Variants in GLIS3 observed in about 807,000 individuals in gnomAD.
The protein encoded by GLIS3 is zinc finger protein GLIS3.
Under a neutral mutation model 78.6 loss-of-function variants are expected in GLIS3, and 53 were observed. The observed-to-expected ratio is 0.67, with a 90% CI of 0.54 to 0.85. The LOEUF is 0.85. Among genes scored for constraint, GLIS3 ranks in the 40% least tolerant of loss-of-function variants. The probability of loss-of-function intolerance (pLI) is 0.00; values close to 1 mark genes in which losing one functional copy is unlikely to be tolerated. For missense variants in GLIS3, 1,703 were observed against 1,231.1 expected, an observed-to-expected ratio of 1.38 and a Z score of -5.74; for synonymous variants, 684 against 509.9, an observed-to-expected ratio of 1.34 and a Z score of -4.60.
rs1554648257 is a variant in GLIS3 at position 3,926,236 on chromosome 9, T to TTG, written c.1983+6123_1983+6124insCA. Among the ~76,000 whole-genome samples, 10 of 149,030 alleles carry TTG rather than the reference T, an allele frequency of 6.7e-5. 1 individual carries two copies. Among genetic ancestry groups the TTG allele is most frequent in the African/African-American group, 2.5e-4 (10 of 40,752 alleles). On this transcript the variant is annotated intron_variant, in intron 6 of 10. Coordinates refer to ENST00000381971, the MANE Select transcript of GLIS3 (RefSeq NM_001042413.2). ...CTAAAGCAATGCTTTTTCTTTTGTT[T>TTG]TTTTTTTTTTCTTTGACGGAGTCTT...
intron 2 of GLIS3, among the ~76,000 whole-genome samples, chr9:4,271,909 C>G (rs1455557198): frequency 6.6e-6 from 1 of 152,162 alleles, no homozygotes; most frequent in East Asian, 1.9e-4. Context: ...GGCCATGTGA[C>G]CGTGGCTAAG....
the GLIS3 span, among the ~76,000 whole-genome samples, chr9:4,461,226 T>C: frequency 6.6e-6 from 1 of 152,162 alleles, no homozygotes; most frequent in African/African-American, 2.4e-5. Context: ...TACATTCTCA[T>C]TTGTGTTTAC....
chr9:4,380,298 A>T, the GLIS3 span, among the ~76,000 whole-genome samples: 1 of 152,324 alleles, frequency 6.6e-6, no homozygotes, highest in Admixed American at 6.5e-5. Flanking sequence ...ATCTTCTATT[A>T]TATGTAATAA....
At chr9:4,277,772 G>A (rs1376094303) in intron 2 of GLIS3, among the ~76,000 whole-genome samples, 1 of 152,194 alleles carries the variant, frequency 6.6e-6, no homozygotes, top group Non-Finnish European at 1.5e-5. Context: ...AAATAGTTGT[G>A]TCAAATGTAC....
chr9:4,000,165 C>A (rs184899284), intron 4 of GLIS3, among the ~76,000 whole-genome samples: 1 of 152,072 alleles, frequency 6.6e-6, no homozygotes, highest in African/African-American at 2.4e-5. Flanking sequence ...ATGATCCATA[C>A]GTAGATTCAC....
intron 4 of GLIS3, among the ~76,000 whole-genome samples, chr9:4,026,259 A>T (rs1009278443): frequency 6.6e-6 from 1 of 152,250 alleles, no homozygotes; most frequent in Non-Finnish European, 1.5e-5. Context: ...CAGTGTCATT[A>T]GACAGACTAC....
At chr9:3,986,415 AC>A (rs1353727751) in intron 4 of GLIS3, among the ~76,000 whole-genome samples, 4 of 152,102 alleles carry the variant, frequency 2.6e-5, no homozygotes, top group Admixed American at 2.0e-4. Context: ...CCTTCTCACC[AC>A]CCCCACTGTG....
At chr9:4,270,061 T>C (rs1200192815) in intron 2 of GLIS3, among the ~76,000 whole-genome samples, 1 of 152,238 alleles carries the variant, frequency 6.6e-6, no homozygotes, top group South Asian at 2.1e-4. Flanking sequence ...ATTCCCACCC[T>C]GGCTCTAGAC....
chr9:4,002,234 G>A lies in GLIS3; in HGVS notation c.1711-65045C>T, dbSNP rs145355973. Among the ~76,000 whole-genome samples, 398 of 152,184 alleles carry A rather than the reference G, an allele frequency of 2.6e-3. 4 individuals are homozygous for A. The highest frequency in any genetic ancestry group is 9.0e-3 in the African/African-American group (372 of 41,534). ...AGGTCACAAGCCAAGGAATGCAGGC[G>A]GCCTCTAGAAGCTGAAAAAGTCAAG... On this transcript the variant is annotated intron_variant, in intron 4 of 10. Transcript: ENST00000381971.
At chr9:4,271,326 T>C (rs1021782709) in intron 2 of GLIS3, among the ~76,000 whole-genome samples, 1 of 152,120 alleles carries the variant, frequency 6.6e-6, no homozygotes, top group Admixed American at 6.5e-5. Context: ...AGGCTACCAG[T>C]AGTTATGTTT....
intron 2 of GLIS3, among the ~76,000 whole-genome samples, chr9:4,254,935 C>T (rs1824773883): frequency 6.6e-6 from 1 of 151,658 alleles, no homozygotes; most frequent in Non-Finnish European, 1.5e-5. Flanking sequence ...AAAATATTTG[C>T]AAAACATTTA....
intron 2 of GLIS3, among the ~76,000 whole-genome samples, chr9:4,342,204 CA>C (rs1416421872): frequency 2.0e-5 from 3 of 152,108 alleles, no homozygotes; most frequent in African/African-American, 7.2e-5. Context: ...GGTTATCTTT[CA>C]GGGTTTTTAT....
the GLIS3 span, among the ~76,000 whole-genome samples, chr9:4,472,001 A>C: frequency 2.6e-5 from 4 of 152,226 alleles, no homozygotes; most frequent in Admixed American, 2.6e-4. Context: ...CAAACACATG[A>C]AAAAATGCTC....
intron 2 of GLIS3, among the ~76,000 whole-genome samples, chr9:4,210,987 G>T (rs1307074807): frequency 6.6e-6 from 1 of 152,098 alleles, no homozygotes; most frequent in Non-Finnish European, 1.5e-5. Context: ...GATAAATTTG[G>T]AATCTGTACC....
At chr9:4,120,569 A>T (rs1351404674) in intron 3 of GLIS3, among the ~76,000 whole-genome samples, 2 of 152,190 alleles carry the variant, frequency 1.3e-5, no homozygotes, top group Non-Finnish European at 2.9e-5. Flanking sequence ...TGGTGATTGG[A>T]TGTCAAGGGC....
intron 1 of GLIS3, among the ~76,000 whole-genome samples, chr9:4,297,552 G>C (rs911400298): frequency 6.6e-6 from 1 of 152,206 alleles, no homozygotes; most frequent in East Asian, 1.9e-4. Context: ...TGAAGTCTTG[G>C]AGGAAGTTGG....
intron 4 of GLIS3, among the ~76,000 whole-genome samples, chr9:4,089,366 C>T (rs933211444): frequency 5.9e-5 from 9 of 151,550 alleles, no homozygotes; most frequent in Non-Finnish European, 1.0e-4. Flanking sequence ...CCTTTACAAA[C>T]GTTTTAAGAG....
intron 6 of GLIS3, among the ~76,000 whole-genome samples, chr9:3,918,264 A>G (rs982984990): frequency 1.3e-5 from 2 of 152,214 alleles, no homozygotes; most frequent in East Asian, 1.9e-4. Context: ...GCACATTTGC[A>G]ATTAAGAAGG....
In GLIS3 at chr9:4,182,579, C is replaced by A. The variant is rs537654525; in HGVS notation, c.389-56638G>T. ...GCATGGGGAGTTGTGGGTATCACCACAAACATCTTGGAGAATGTTCACAGG... is the reference window on the plus strand; with the variant it reads ...GCATGGGGAGTTGTGGGTATCACCAAAAACATCTTGGAGAATGTTCACAGG... On this transcript the variant is annotated intron_variant, in intron 2 of 10. Coordinates refer to ENST00000381971, the MANE Select transcript of GLIS3 (RefSeq NM_001042413.2). Among the ~76,000 whole-genome samples the A allele has an allele frequency of 3.3e-5, 5 of 152,274 alleles. No individual in the cohort carries two copies. The South Asian group carries it at 1.0e-3, about 32-fold the overall frequency.
Sources: gnomAD v4.1 joint callset for allele counts (sites outside exome capture counted in the v4.1 genomes callset) on GRCh38, gnomAD v4.1.1 for gene constraint, MANE v1.5 for transcripts, NCBI Gene and HGNC (gene_info 2026-07-23, HGNC 2026-07-21) for gene names.